The following SPSB1 variants were observed in gnomAD, a reference collection of about 807,000 sequenced individuals.
The protein encoded by SPSB1 is SPRY domain-containing SOCS box protein 1.
A neutral mutation model predicts 21.2 loss-of-function variants in SPSB1; 8 were observed. That is an observed-to-expected ratio of 0.38 (90% confidence interval 0.22 to 0.68). SPSB1 has a LOEUF of 0.68. SPSB1 is among the 30% of genes least tolerant of loss of function. SPSB1 has a pLI of 0.53. For missense variants in SPSB1, 242 were observed against 377.8 expected, an observed-to-expected ratio of 0.64 and a Z score of 2.98; for synonymous variants, 169 against 161.7, an observed-to-expected ratio of 1.05 and a Z score of -0.34.
intron 2 of SPSB1, among the ~76,000 whole-genome samples, chr1:9,364,276 AAC>A (rs1640521941): frequency 6.6e-6 from 1 of 152,208 alleles, no homozygotes; most frequent in Admixed American, 6.5e-5. Flanking sequence ...CAGAGAAGAG[AAC>A]ACACCTGCAA....
At chr1:9,307,876 C>G (rs1225748955) in intron 1 of SPSB1, among the ~76,000 whole-genome samples, 2 of 152,164 alleles carry the variant, frequency 1.3e-5, no homozygotes, top group Non-Finnish European at 2.9e-5. Context: ...GTGCGCGTGG[C>G]CCCTCCCAGG....
At chr1:9,322,863 G>A (rs547202116) in intron 1 of SPSB1, among the ~76,000 whole-genome samples, 11 of 151,252 alleles carry the variant, frequency 7.3e-5, no homozygotes, top group Middle Eastern at 3.6e-3. Context: ...CCTCCAGCCC[G>A]CACCCACCCC....
chr1:9,307,137 A>G (rs1026537734), intron 1 of SPSB1, among the ~76,000 whole-genome samples: 2 of 152,026 alleles, frequency 1.3e-5, no homozygotes, highest in Admixed American at 6.6e-5. Flanking sequence ...CATGTTGGCC[A>G]GGCCGGTCTC....
chr1:9,339,306 C>A (rs1385749009), intron 1 of SPSB1: 4 of 985,272 alleles, frequency 4.1e-6, no homozygotes, highest in Non-Finnish European at 4.8e-6. Flanking sequence ...CACTGGCCAG[C>A]CACATGTGGG....
At chr1:9,366,074 C>T (rs531567417) in intron 2 of SPSB1, among the ~76,000 whole-genome samples, 62 of 152,360 alleles carry the variant, frequency 4.1e-4, no homozygotes, top group African/African-American at 1.3e-3. Context: ...GCTGAATGAA[C>T]TCAGCCTCCT....
chr1:9,335,363 G>A (rs1346569537), intron 1 of SPSB1, among the ~76,000 whole-genome samples: 1 of 152,068 alleles, frequency 6.6e-6, no homozygotes, highest in East Asian at 1.9e-4. Flanking sequence ...TTAACCAGGT[G>A]TGGTGGTGAG....
chr1:9,294,550 T>C (rs1037783754), intron 1 of SPSB1: 1 of 152,188 alleles, frequency 6.6e-6, no homozygotes, highest in African/African-American at 2.4e-5. Context: ...TCTCTGAAAA[T>C]GAACTACACA....
intron 1 of SPSB1, among the ~76,000 whole-genome samples, chr1:9,300,577 T>C (rs1389451546): frequency 6.6e-6 from 1 of 152,254 alleles, no homozygotes; most frequent in Non-Finnish European, 1.5e-5. Context: ...CTTGGCCTAA[T>C]ACTGGACCCT....
chr1:9,314,677 T>C (rs900086778), intron 1 of SPSB1, among the ~76,000 whole-genome samples: 13 of 152,374 alleles, frequency 8.5e-5, no homozygotes, highest in Admixed American at 8.5e-4. Flanking sequence ...GTCTTGTTTT[T>C]CTCCGGGAAG....
intron 1 of SPSB1, among the ~76,000 whole-genome samples, chr1:9,300,066 T>C (rs1639302451): frequency 6.6e-6 from 1 of 152,024 alleles, no homozygotes; most frequent in Non-Finnish European, 1.5e-5. Context: ...TGTAGCCTTA[T>C]TGGTAGGACA....
chr1:9,302,258 T>C (rs542720957), intron 1 of SPSB1, among the ~76,000 whole-genome samples: 1 of 152,366 alleles, frequency 6.6e-6, no homozygotes, highest in East Asian at 1.9e-4. Flanking sequence ...TCAACTTGAC[T>C]AGATTAAGGA....
chr1:9,320,158 C>T (rs1639694009), intron 1 of SPSB1, among the ~76,000 whole-genome samples: 1 of 152,206 alleles, frequency 6.6e-6, no homozygotes, highest in African/African-American at 2.4e-5. Context: ...TTTCTCTTTG[C>T]CTTCCTCCTA....
chr1:9,331,320 T>TG, intron 1 of SPSB1, among the ~76,000 whole-genome samples: 1 of 128,736 alleles, frequency 7.8e-6, no homozygotes, highest in East Asian at 2.2e-4. Context: ...CTGGTGCTCT[T>TG]GTTTTTTTTT....
chr1:9,367,774 G>C lies in SPSB1; in HGVS notation c.*199G>C. ...CACAGGCTCCTCTTTCCCCCTTCCC[G>C]ACATCAGCAGAAGGCAGCATCCCTG... is the stretch of plus-strand genomic sequence containing the variant. On this transcript the variant is annotated 3_prime_UTR_variant, in exon 3 of 3. Coordinates refer to ENST00000328089, the MANE Select transcript of SPSB1 (RefSeq NM_025106.4). This position sits in a 1 kb window ranked among gnomAD's most constrained non-coding sequence, Gnocchi z 5.9. 1.3e-6 allele frequency: 1 copy of C among 771,434 alleles called. No homozygotes were observed. The highest frequency in any genetic ancestry group is 1.9e-5 in the South Asian group (1 of 53,014). 47.8% of individuals were successfully genotyped at this position (771,434 alleles called of 1,614,324 possible). A position where few individuals can be genotyped will look rare whatever the true frequency, so the allele number is the denominator to read the frequency against.
chr1:9,364,302 CTG>C (rs1640522306), intron 2 of SPSB1, among the ~76,000 whole-genome samples: 1 of 152,270 alleles, frequency 6.6e-6, no homozygotes, highest in South Asian at 2.1e-4. Flanking sequence ...CCCCACTCCT[CTG>C]TGCAGAAGAC....
At chr1:9,362,704 GT>G (rs2100521869) in intron 2 of SPSB1, among the ~76,000 whole-genome samples, 1 of 152,360 alleles carries the variant, frequency 6.6e-6, no homozygotes, top group African/African-American at 2.4e-5. Context: ...TGAGACAGTT[GT>G]GGGTTGGGGC....
rs1553128958 is a variant in SPSB1 at position 9,361,156 on chromosome 1, C to CCTTTTTTTTTTTTTTTT, written c.694+4571_694+4572insCTTTTTTTTTTTTTTTT. Among the ~76,000 whole-genome samples the CCTTTTTTTTTTTTTTTT allele has an allele frequency of 8.5e-4, 87 of 102,574 alleles. 26 individuals carry two copies. Among genetic ancestry groups the CCTTTTTTTTTTTTTTTT allele is most frequent in the East Asian group, 1.8e-3 (6 of 3,420 alleles). The allele number at this position is 102,574 out of a possible 152,430, so 67.3% of individuals were successfully genotyped here. ...CAGGCATGGCTGGATCTGTCATTTT[C>CCTTTTTTTTTTTTTTTT]TTTTTTTTTTTTTTTTTTTTTTTTT... On this transcript the variant is annotated intron_variant, in intron 2 of 2. Transcript: ENST00000328089.
intron 1 of SPSB1, among the ~76,000 whole-genome samples, chr1:9,353,115 G>A (rs1322011499): frequency 6.6e-6 from 1 of 152,090 alleles, no homozygotes; most frequent in East Asian, 1.9e-4. Flanking sequence ...AAGCTGGAGG[G>A]GGTGTCCAGA....
chr1:9,347,083 C>A (rs1640176981), intron 1 of SPSB1, among the ~76,000 whole-genome samples: 1 of 152,112 alleles, frequency 6.6e-6, no homozygotes. Context: ...TTTGGGTGGC[C>A]AAGACAGGAG....
Sources: gnomAD v4.1 joint callset for allele counts (sites outside exome capture counted in the v4.1 genomes callset) on GRCh38, gnomAD v4.1.1 for gene constraint, Gnocchi (gnomAD v3.1) non-coding constraint, MANE v1.5 for transcripts, NCBI Gene and HGNC (gene_info 2026-07-23, HGNC 2026-07-21) for gene names.